Variants in IFNAR1 observed in about 807,000 individuals in gnomAD.
IFNAR1 encodes interferon alpha and beta receptor subunit 1.
In IFNAR1, 47 loss-of-function variants were observed where a neutral mutation model predicts 62.1. The observed-to-expected ratio is 0.76, with a 90% CI of 0.60 to 0.97. The LOEUF (loss-of-function observed/expected upper bound fraction) is 0.97. IFNAR1 is among the 50% of genes least tolerant of loss of function. The pLI is 0.00. For synonymous variants in IFNAR1, 219 were observed against 226.9 expected (o/e 0.97, Z 0.31); for missense variants, 638 against 654.5 (o/e 0.97, Z 0.27).
chr21:33,343,589 A>T lies in IFNAR1; in HGVS notation c.586A>T (p.Thr196Ser), dbSNP rs762301477. 17 of 1,563,152 alleles carry T rather than the reference A, an allele frequency of 1.1e-5. No homozygotes were observed. In the East Asian group the frequency reaches 3.8e-4, roughly 35 times the overall value. Residue 196 changes from threonine (T) to serine (S), a missense_variant, in exon 5 of 11, where the codon ACT becomes TCT. By Grantham distance (58) the Thr-to-Ser change is moderately conservative. Transcript: ENST00000270139. ...TAAAATTTATAAACTCTCACCAGAG[A>T]CTACTTATTGTCTAAAAGTTAAAGC... ...RHKIYKLSPE[T>S]TYCLKVKAAL...
Position 33,349,162 on chromosome 21 carries a change from A to G in IFNAR1, c.860A>G (p.Lys287Arg), listed in dbSNP as rs1304324868. 13 of 1,613,312 alleles carry G rather than the reference A, an allele frequency of 8.1e-6. No homozygotes were observed. The highest frequency in any genetic ancestry group is 8.5e-6 in the Non-Finnish European group (10 of 1,179,354). Residue 287 changes from lysine (K) to arginine (R), a missense_variant, in exon 7 of 11, where the codon AAA becomes AGA. Lys to Arg is a conservative substitution (Grantham distance 26, BLOSUM62 2). Coordinates refer to ENST00000270139, the MANE Select transcript of IFNAR1 (RefSeq NM_000629.3). ...WKQIPDCENVKTTQCVFPQNV... is the reference protein window; with the variant it reads ...WKQIPDCENVRTTQCVFPQNV... Reference sequence around the variant, plus strand: ...CAAATACCTGACTGTGAAAATGTCAAAACTACCCAGTGTGTCTTTCCTCAA... The same window carrying G: ...CAAATACCTGACTGTGAAAATGTCAGAACTACCCAGTGTGTCTTTCCTCAA...
intron 1 of IFNAR1, among the ~76,000 whole-genome samples, chr21:33,333,687 G>A (rs17875790): frequency 0.011 from 1,598 of 143,820 alleles, 37 homozygotes; most frequent in African/African-American, 0.039. Flanking sequence ...GCAGTGGCGC[G>A]ATCTCGGCTC....
rs557036553 is a variant in IFNAR1 at position 33,342,188 on chromosome 21, C to T, written c.376+1014C>T. ...CTTTGGGAGGCTGAGGTGGGAGGAT[C>T]ACTTGAGGCCAGAAGTTCAAGACCA... On this transcript the variant is annotated intron_variant, in intron 3 of 10. Coordinates refer to ENST00000270139, the MANE Select transcript of IFNAR1 (RefSeq NM_000629.3). Among the ~76,000 whole-genome samples, 92 of 152,078 alleles carry T rather than the reference C, an allele frequency of 6.0e-4. No homozygotes were observed. In the Middle Eastern group the frequency reaches 0.021, roughly 34 times the overall value.
chr21:33,353,338 T>C (rs1568933576), intron 9 of IFNAR1, among the ~76,000 whole-genome samples: 1 of 152,160 alleles, frequency 6.6e-6, no homozygotes, highest in Non-Finnish European at 1.5e-5. Context: ...ACAGAATATC[T>C]ATTAAATTTT....
intron 1 of IFNAR1, among the ~76,000 whole-genome samples, chr21:33,327,245 A>C (rs2083135007): frequency 6.6e-6 from 1 of 152,206 alleles, no homozygotes. Context: ...TTTCATATAA[A>C]ATTGACATTC....
Position 33,333,772 on chromosome 21 carries a change from C to T in IFNAR1, c.77-1752C>T, listed in dbSNP as rs900263739. The stretch of plus-strand genomic sequence containing the variant: ...CTGAGTAGCTGGGACTACAGGCGCC[C>T]GCTACCACGCCCGGCTAATTTTTTG... On this transcript the variant is annotated intron_variant, in intron 1 of 10. Coordinates refer to ENST00000270139, the MANE Select transcript of IFNAR1 (RefSeq NM_000629.3). Among the ~76,000 whole-genome samples, 11 of 151,786 alleles carry T rather than the reference C, an allele frequency of 7.2e-5. No individual in the cohort carries two copies. The South Asian group carries it at 8.3e-4, about 12-fold the overall frequency.
At chr21:33,333,591 A>G (rs1000173348) in intron 1 of IFNAR1, among the ~76,000 whole-genome samples, 1 of 150,378 alleles carries the variant, frequency 6.6e-6, no homozygotes, top group African/African-American at 2.5e-5. Flanking sequence ...ATTAAATTCC[A>G]TACTTAAAGA....
At chr21:33,347,790 T>C in intron 6 of IFNAR1, among the ~76,000 whole-genome samples, 1 of 152,128 alleles carries the variant, frequency 6.6e-6, no homozygotes. Flanking sequence ...GGGGCAGGAA[T>C]CTTGGGGGCC....
rs1001777426 is a variant in IFNAR1, at chr21:33,358,566, G to A, written c.*3017G>A. ...GTACCTGCACATGTACCCACCTGAT[G>A]TAGGTCTTATTCCTTTAGTATGGAC... On this transcript the variant is annotated 3_prime_UTR_variant, in exon 11 of 11. Transcript: ENST00000270139. 4 of 151,968 alleles carry A rather than the reference G, an allele frequency of 2.6e-5. No individual in the cohort carries two copies. The highest frequency in any genetic ancestry group is 9.7e-5 in the African/African-American group (4 of 41,348). The allele number at this position is 151,968 out of a possible 1,614,324, so 9.4% of individuals were successfully genotyped here.
intron 2 of IFNAR1, among the ~76,000 whole-genome samples, chr21:33,340,299 A>G (rs2083281733): frequency 6.6e-6 from 1 of 152,132 alleles, no homozygotes; most frequent in South Asian, 2.1e-4. Flanking sequence ...AGGTAAGTCT[A>G]TTCATAGGAG....
chr21:33,334,271 A>C (rs988204170), intron 1 of IFNAR1, among the ~76,000 whole-genome samples: 7 of 152,208 alleles, frequency 4.6e-5, no homozygotes, highest in Non-Finnish European at 8.8e-5. Context: ...CGGACAGATC[A>C]GCAAACTCCA....
chr21:33,332,420 A>G (rs2083189770), intron 1 of IFNAR1, among the ~76,000 whole-genome samples: 1 of 152,232 alleles, frequency 6.6e-6, no homozygotes, highest in Admixed American at 6.5e-5. Context: ...CTGTCTGTAA[A>G]GTTTGGAAGA....
At chr21:33,329,603 A>G (rs1036930352) in intron 1 of IFNAR1, among the ~76,000 whole-genome samples, 3 of 152,268 alleles carry the variant, frequency 2.0e-5, no homozygotes, top group African/African-American at 7.2e-5. Flanking sequence ...CAAGTCTACA[A>G]CAAGATAACA....
Position 33,345,300 on chromosome 21 carries a change from A to C in IFNAR1, c.728A>C (p.Asn243Thr), listed in dbSNP as rs150050372. 495 of 1,608,874 alleles carry C rather than the reference A, an allele frequency of 3.1e-4. 3 individuals carry two copies. In the African/African-American group the frequency reaches 6.1e-3, roughly 20 times the overall value. Residue 243 changes from asparagine to threonine, a missense_variant, in exon 6 of 11, where the codon AAC (asparagine) becomes ACC (threonine). By Grantham distance (65) the Asn-to-Thr change is moderately conservative. Coordinates refer to ENST00000270139, the MANE Select transcript of IFNAR1 (RefSeq NM_000629.3). ...ENIEVSVQNQ[N>T]YVLKWDYTYA... ...ATAGAAGTCAGTGTCCAAAATCAGA[A>C]CTATGTTCTTAAATGGGATTATACA...
At chr21:33,334,147 A>C (rs1382339417) in intron 1 of IFNAR1, among the ~76,000 whole-genome samples, 1 of 152,206 alleles carries the variant, frequency 6.6e-6, no homozygotes, top group East Asian at 1.9e-4. Context: ...CTAAACATAC[A>C]TGTACCCAAC....
chr21:33,356,941 A>C lies in IFNAR1; in HGVS notation c.*1392A>C, dbSNP rs1290424388. ...GCTGGCTTCTCGTCTAGCAGTATTC[A>C]GATACCCCTTCTGCTCAGCCTGCTT... On this transcript the variant is annotated 3_prime_UTR_variant, in exon 11 of 11. Transcript: ENST00000270139. 6.6e-6 allele frequency: 1 copy of C among 152,244 alleles called. No homozygotes were observed. The highest frequency in any genetic ancestry group is 2.4e-5 in the African/African-American group (1 of 41,460). The allele number at this position is 152,244 out of a possible 1,614,324, so 9.4% of individuals were successfully genotyped here. A position where few individuals can be genotyped will look rare whatever the true frequency, so the allele number is the denominator to read the frequency against.
At position 33,333,509 on chromosome 21, in the gene IFNAR1, A is replaced by T. The variant is rs545011482; in HGVS notation, c.77-2015A>T. ...AGAGAGGAAGAAAGGGGCAAAGGAT[A>T]TTATTAGAAAACTTTAACAAAATGA... is the stretch of plus-strand genomic sequence containing the variant. On this transcript the variant is annotated intron_variant, in intron 1 of 10. Coordinates refer to ENST00000270139, the MANE Select transcript of IFNAR1 (RefSeq NM_000629.3). Among the ~76,000 whole-genome samples the T allele has an allele frequency of 2.6e-5, 4 of 152,000 alleles. No individual in the cohort carries two copies. In the South Asian group the frequency reaches 8.3e-4, roughly 32 times the overall value.
rs17875796 is a variant in IFNAR1, at chr21:33,334,548, G to A, written c.77-976G>A. On this transcript the variant is annotated intron_variant, in intron 1 of 10. Transcript: ENST00000270139. ...ACAAAAGCTAAGGGAGTTCATTACC[G>A]CTAGAACTGCCCTGCGAGAAATGCT... 6.5e-3 allele frequency: 3,247 copies of A among 497,134 alleles called. 95 individuals carry two copies. The highest frequency in any genetic ancestry group is 0.058 in the African/African-American group (2,989 of 51,692). The allele number at this position is 497,134 out of a possible 1,614,324, so 30.8% of individuals were successfully genotyped here.
chr21:33,341,948 T>G (rs1162597545), intron 3 of IFNAR1, among the ~76,000 whole-genome samples: 1 of 152,242 alleles, frequency 6.6e-6, no homozygotes, highest in Admixed American at 6.5e-5. Flanking sequence ...CCCAAAGTGC[T>G]GGGATTACAG....
Sources: gnomAD v4.1 joint callset for allele counts (sites outside exome capture counted in the v4.1 genomes callset) on GRCh38, gnomAD v4.1.1 for gene constraint, MANE v1.5 for transcripts, NCBI Gene and HGNC (gene_info 2026-07-23, HGNC 2026-07-21) for gene names.